OCA2: variants seen among roughly 807,000 people sequenced by gnomAD.
OCA2 encodes the protein P protein.
Under a neutral mutation model 100.2 loss-of-function variants are expected in OCA2, and 77 were observed. That is an observed-to-expected ratio of 0.77 (90% CI 0.64 to 0.93). The LOEUF (loss-of-function observed/expected upper bound fraction) is 0.93. Ranked by LOEUF, OCA2 falls within the 40% of genes least tolerant of loss-of-function variation. OCA2 has a pLI of 0.00. For synonymous variants in OCA2, 432 were observed against 439.2 expected (o/e 0.98, Z 0.21); for missense variants, 1,062 against 1,089.1 (o/e 0.98, Z 0.35).
At chr15:27,888,807 A>T (rs1595580946) in intron 19 of OCA2, among the ~76,000 whole-genome samples, 1 of 152,194 alleles carries the variant, frequency 6.6e-6, no homozygotes, top group East Asian at 1.9e-4. Context: ...GTGTATTTAC[A>T]TGAACTACCC....
intron 17 of OCA2, 41 bp from the exon 18 acceptor site, chr15:27,951,933 TTC>T (rs1164362471): frequency 7.5e-7 from 1 of 1,330,356 alleles, no homozygotes; most frequent in Non-Finnish European, 1.1e-6. Context: ...CTGCACAACC[TTC>T]TGACTCCTGC....
At chr15:27,781,681 T>C (rs1228792119) in intron 23 of OCA2, among the ~76,000 whole-genome samples, 1 of 152,250 alleles carries the variant, frequency 6.6e-6, no homozygotes, top group Non-Finnish European at 1.5e-5. Flanking sequence ...TCTAATATGC[T>C]ATTTACTCTC....
chr15:28,042,642 A>G (rs1401934366), intron 2 of OCA2, among the ~76,000 whole-genome samples: 1 of 145,464 alleles, frequency 6.9e-6, no homozygotes, highest in Non-Finnish European at 1.5e-5. Flanking sequence ...TCTGTCTCAA[A>G]GTAAATAAAT....
Position 27,893,664 on chromosome 15 carries a change from T to C in OCA2, c.2080-21742A>G, listed in dbSNP as rs187445403. On this transcript the variant is annotated intron_variant, in intron 19 of 23. Transcript: ENST00000354638. Reference sequence around the variant, plus strand: ...AAGGACTGAGATATGCCCTGGTCTCTTGCAGAACCCTCGGACTTACTAGGG... The same window carrying C: ...AAGGACTGAGATATGCCCTGGTCTCCTGCAGAACCCTCGGACTTACTAGGG... Among the ~76,000 whole-genome samples, 866 of 152,254 alleles carry C rather than the reference T, an allele frequency of 5.7e-3. 34 individuals carry two copies. The highest frequency in any genetic ancestry group is 0.042 in the Admixed American group (649 of 15,294).
chr15:28,009,729 A>ACAC (rs1247568023), intron 9 of OCA2, among the ~76,000 whole-genome samples: 6 of 110,074 alleles, frequency 5.5e-5, no homozygotes, highest in Non-Finnish European at 1.1e-4. Context: ...CACACACACA[A>ACAC]AGTCAACAAA....
At position 27,957,069 on chromosome 15, in the gene OCA2, A is replaced by G. The variant is rs2040246531; in HGVS notation, c.1784+519T>C. Among the ~76,000 whole-genome samples, 2 of 152,180 alleles carry G rather than the reference A, an allele frequency of 1.3e-5. No individual in the cohort carries two copies. Among genetic ancestry groups the G allele is most frequent in the African/African-American group, 2.4e-5 (1 of 41,444 alleles). On this transcript the variant is annotated intron_variant, in intron 16 of 23. Transcript: ENST00000354638. The surrounding 1 kb of genome is among the most constrained non-coding windows in gnomAD (Gnocchi z 4.3). The stretch of plus-strand genomic sequence containing the variant: ...CAAAGACTGCTTGGAACTCAGCAAC[A>G]TGTCATAGCAAGGAGAAAAACCACC...
At chr15:27,897,776 C>T (rs1004012947) in intron 19 of OCA2, among the ~76,000 whole-genome samples, 13 of 152,146 alleles carry the variant, frequency 8.5e-5, no homozygotes, top group East Asian at 3.9e-4. Context: ...CAGCTTGCAC[C>T]GTGCGCCTGG....
intron 6 of OCA2, among the ~76,000 whole-genome samples, chr15:28,020,527 G>C (rs1474090514): frequency 6.6e-6 from 1 of 152,132 alleles, no homozygotes; most frequent in African/African-American, 2.4e-5. Flanking sequence ...TGCCCAGGAG[G>C]GTGGCATGTC....
chr15:27,944,451 G>A (rs1026951050), intron 18 of OCA2, among the ~76,000 whole-genome samples: 2 of 152,220 alleles, frequency 1.3e-5, no homozygotes, highest in African/African-American at 4.8e-5. Flanking sequence ...CTGCTAAAGT[G>A]TAGACATAGA....
chr15:27,870,707 GGAAGGAAGGAAGGAAA>G (rs2036516785), intron 21 of OCA2, among the ~76,000 whole-genome samples: 1 of 28,414 alleles, frequency 3.5e-5, no homozygotes, highest in Non-Finnish European at 6.6e-5. Context: ...AAAGAAGGAA[GGAAGGAAGGAAGGAAA>G]GAAGGAAGGA....
At chr15:27,923,644 C>T (rs867044588) in intron 19 of OCA2, among the ~76,000 whole-genome samples, 1 of 152,216 alleles carries the variant, frequency 6.6e-6, no homozygotes, top group Non-Finnish European at 1.5e-5. Context: ...CACTTATTGG[C>T]TGCGTGTATG....
chr15:28,022,322 A>G (rs2042618742), intron 6 of OCA2, among the ~76,000 whole-genome samples, 179 bp downstream of exon 6: 1 of 152,172 alleles, frequency 6.6e-6, no homozygotes, highest in Non-Finnish European at 1.5e-5. Flanking sequence ...GTCTCCCTGG[A>G]GCTCCCCGCC....
chr15:27,744,354 G>A, the OCA2 span, among the ~76,000 whole-genome samples: 1 of 152,132 alleles, frequency 6.6e-6, no homozygotes, highest in Admixed American at 6.5e-5. Context: ...GACAATAAGG[G>A]CAGGCAGGGA....
In OCA2 at chr15:27,913,913, AAGCAAGCAAGC is replaced by A. The variant is rs1567099006; in HGVS notation, c.2079+12203_2079+12213del. Among the ~76,000 whole-genome samples the A allele has an allele frequency of 3.1e-3, 157 of 50,818 alleles. 36 individuals are homozygous for A. Among genetic ancestry groups the A allele is most frequent in the African/African-American group, 0.014 (152 of 10,812 alleles). The allele number at this position is 50,818 out of a possible 152,430, so 33.3% of individuals were successfully genotyped here. ...AAAGAAAGCAAGCAAGCAAGCAAGC[AAGCAAGCAAGC>A]AAGCAAGAAAGAAAGAAAAAAATTT... On this transcript the variant is annotated intron_variant, in intron 19 of 23. Transcript: ENST00000354638.
chr15:27,810,267 T>A (rs2151214961), intron 23 of OCA2, among the ~76,000 whole-genome samples: 1 of 152,358 alleles, frequency 6.6e-6, no homozygotes, highest in Admixed American at 6.5e-5. Flanking sequence ...AAGGACACCC[T>A]ATTTACTAAA....
At chr15:28,034,979 C>T (rs2141407371) in intron 2 of OCA2, among the ~76,000 whole-genome samples, 1 of 152,212 alleles carries the variant, frequency 6.6e-6, no homozygotes, top group Middle Eastern at 3.4e-3. Flanking sequence ...CAGGAGAGTG[C>T]CCAGGAGAGT....
intron 1 of OCA2, among the ~76,000 whole-genome samples, chr15:28,094,003 C>T (rs1207294754): frequency 6.6e-6 from 1 of 152,158 alleles, no homozygotes; most frequent in Non-Finnish European, 1.5e-5. Flanking sequence ...ACCCAGAACT[C>T]TCCCTCTTTC....
chr15:27,997,877 T>C (rs943301510), intron 9 of OCA2, among the ~76,000 whole-genome samples: 2 of 133,170 alleles, frequency 1.5e-5, no homozygotes, highest in Non-Finnish European at 3.5e-5. Context: ...GTAGTTCTCC[T>C]TGAAGAGGTC....
downstream of OCA2, among the ~76,000 whole-genome samples, chr15:27,751,528 G>GCATATAA (rs1255815333): frequency 1.3e-5 from 2 of 152,206 alleles, no homozygotes; most frequent in Non-Finnish European, 2.9e-5. Flanking sequence ...TTCGAAGGCA[G>GCATATAA]CATATAACAT....
Sources: gnomAD v4.1 joint callset for allele counts (sites outside exome capture counted in the v4.1 genomes callset) on GRCh38, gnomAD v4.1.1 for gene constraint, Gnocchi (gnomAD v3.1) non-coding constraint, MANE v1.5 for transcripts, NCBI Gene and HGNC (gene_info 2026-07-23, HGNC 2026-07-21) for gene names.